Variants in RALGAPA2 observed in about 807,000 individuals in gnomAD.
RALGAPA2 encodes the protein Ral GTPase activating protein catalytic subunit alpha 2.
Under a neutral mutation model 230.4 loss-of-function variants are expected in RALGAPA2, and 139 were observed. The observed-to-expected ratio is 0.60, with a 90% CI of 0.53 to 0.69. The LOEUF is 0.69. RALGAPA2 is among the 30% of genes least tolerant of loss of function. RALGAPA2 has a pLI of 0.00. For missense variants in RALGAPA2, 2,163 were observed against 2,276.0 expected, an observed-to-expected ratio of 0.95 and a Z score of 1.01; for synonymous variants, 847 against 837.8, an observed-to-expected ratio of 1.01 and a Z score of -0.19.
chr20:20,702,077 A>T (rs1374796876), intron 1 of RALGAPA2, among the ~76,000 whole-genome samples: 1 of 152,044 alleles, frequency 6.6e-6, no homozygotes, highest in Non-Finnish European at 1.5e-5. Flanking sequence ...AGAAAAGAAA[A>T]GAAGCATGGT....
intron 22 of RALGAPA2, 43 bp downstream of exon 22, chr20:20,571,805 G>A: frequency 6.5e-7 from 1 of 1,535,796 alleles, no homozygotes; most frequent in Non-Finnish European, 8.9e-7. Context: ...TTTCAGAAAG[G>A]AAGAGGAAAT....
chr20:20,643,594 A>C, intron 4 of RALGAPA2, 45 bp from the exon 5 acceptor site: 1 of 1,351,470 alleles, frequency 7.4e-7, no homozygotes, highest in South Asian at 1.5e-5. Flanking sequence ...ATATAAATGC[A>C]TATCAAAGAT....
intron 3 of RALGAPA2, among the ~76,000 whole-genome samples, chr20:20,658,594 G>C (rs2067666154): frequency 6.6e-6 from 1 of 152,202 alleles, no homozygotes; most frequent in Non-Finnish European, 1.5e-5. Flanking sequence ...AATGCTCAGT[G>C]CTCAGCTGCA....
chr20:20,670,702 C>T (rs1343740522), intron 3 of RALGAPA2, among the ~76,000 whole-genome samples: 2 of 151,144 alleles, frequency 1.3e-5, no homozygotes, highest in African/African-American at 4.9e-5. Context: ...AATCCCAGCA[C>T]TTTGTGAGGC....
chr20:20,522,324 C>T (rs1372370254), intron 30 of RALGAPA2, among the ~76,000 whole-genome samples: 4 of 150,496 alleles, frequency 2.7e-5, no homozygotes, highest in East Asian at 3.9e-4. Context: ...TGTCTATGAA[C>T]GGTAAAATGT....
At chr20:20,421,361 G>C (rs1036990648) in intron 37 of RALGAPA2, among the ~76,000 whole-genome samples, 1 of 152,200 alleles carries the variant, frequency 6.6e-6, no homozygotes, top group Non-Finnish European at 1.5e-5. Flanking sequence ...CTCATACCTT[G>C]CTGGTAGGAA....
intron 3 of RALGAPA2, among the ~76,000 whole-genome samples, chr20:20,656,894 T>A (rs1344838280): frequency 6.6e-6 from 1 of 152,220 alleles, no homozygotes; most frequent in East Asian, 1.9e-4. Context: ...CCAGGCCAAA[T>A]GAGCAACTCT....
intron 1 of RALGAPA2, among the ~76,000 whole-genome samples, chr20:20,689,176 G>A (rs1317504003): frequency 2.0e-5 from 3 of 152,108 alleles, no homozygotes; most frequent in Non-Finnish European, 4.4e-5. Context: ...TATTTTAAGT[G>A]AATTTATGTT....
At chr20:20,423,533 C>A (rs988539049) in intron 37 of RALGAPA2, among the ~76,000 whole-genome samples, 5 of 152,178 alleles carry the variant, frequency 3.3e-5, no homozygotes, top group African/African-American at 1.2e-4. Context: ...TCCCTGGTAC[C>A]TGCCTCAAAG....
chr20:20,395,720 G>T (rs1219795141), intron 39 of RALGAPA2, among the ~76,000 whole-genome samples: 1 of 152,168 alleles, frequency 6.6e-6, no homozygotes, highest in African/African-American at 2.4e-5. Context: ...GGGTCGGCTG[G>T]CTGTGATGCT....
chr20:20,476,915 T>A (rs999299719), intron 36 of RALGAPA2, among the ~76,000 whole-genome samples: 5 of 152,076 alleles, frequency 3.3e-5, no homozygotes, highest in Non-Finnish European at 5.9e-5. Flanking sequence ...CAACTACATG[T>A]AACATCATGA....
At chr20:20,542,620 T>C (rs1213682312) in intron 24 of RALGAPA2, among the ~76,000 whole-genome samples, 1 of 152,072 alleles carries the variant, frequency 6.6e-6, no homozygotes, top group Non-Finnish European at 1.5e-5. Context: ...TCAACAACCA[T>C]CTGATCTTTG....
intron 37 of RALGAPA2, among the ~76,000 whole-genome samples, chr20:20,464,109 A>C (rs1472845286): frequency 6.6e-6 from 1 of 152,208 alleles, no homozygotes; most frequent in Non-Finnish European, 1.5e-5. Flanking sequence ...GATTTCTTCC[A>C]CAACCTTCCC....
At chr20:20,563,520 C>T (rs1031851646) in intron 23 of RALGAPA2, among the ~76,000 whole-genome samples, 1 of 152,200 alleles carries the variant, frequency 6.6e-6, no homozygotes, top group Admixed American at 6.5e-5. Flanking sequence ...CTGCACATTT[C>T]TAATTCCTAA....
chr20:20,588,948 C>T (rs941709339), intron 18 of RALGAPA2, among the ~76,000 whole-genome samples: 4 of 151,878 alleles, frequency 2.6e-5, no homozygotes, highest in African/African-American at 9.7e-5. Flanking sequence ...TAGAGGCTAC[C>T]TAAATGGATG....
At chr20:20,556,160 A>G (rs975412834) in intron 23 of RALGAPA2, among the ~76,000 whole-genome samples, 9 of 152,210 alleles carry the variant, frequency 5.9e-5, no homozygotes, top group African/African-American at 1.9e-4. Context: ...CTGTGAGATC[A>G]GGGCCTCTAA....
At chr20:20,399,313 C>T (rs1457910064) in intron 38 of RALGAPA2, among the ~76,000 whole-genome samples, 1 of 134,882 alleles carries the variant, frequency 7.4e-6, no homozygotes, top group African/African-American at 2.8e-5. Flanking sequence ...CATTGCACTA[C>T]ATCCTGGGCA....
rs117108248 is a variant in RALGAPA2 at position 20,466,058 on chromosome 20, A to G, written c.5495+6771T>C. Reference sequence around the variant, plus strand: ...CATTAGCCCTCTCACCAACTCAGAGAGACCAAATGGTGGGTGCCATGGTGG... The same window carrying G: ...CATTAGCCCTCTCACCAACTCAGAGGGACCAAATGGTGGGTGCCATGGTGG... On this transcript the variant is annotated intron_variant, in intron 37 of 39. Transcript: ENST00000202677. 9.7e-3 allele frequency among the ~76,000 whole-genome samples: 1,481 copies of G among 152,312 alleles called. 15 individuals carry two copies. The highest frequency in any genetic ancestry group is 0.034 in the South Asian group (165 of 4,822).
At chr20:20,682,665 A>G (rs1185014776) in intron 1 of RALGAPA2, among the ~76,000 whole-genome samples, 2 of 152,180 alleles carry the variant, frequency 1.3e-5, no homozygotes, top group African/African-American at 4.8e-5. Context: ...CTCGTCTATG[A>G]GACATATTCC....
Sources: gnomAD v4.1 joint callset for allele counts (sites outside exome capture counted in the v4.1 genomes callset) on GRCh38, gnomAD v4.1.1 for gene constraint, MANE v1.5 for transcripts, NCBI Gene and HGNC (gene_info 2026-07-23, HGNC 2026-07-21) for gene names.